MTA3: variants seen among roughly 807,000 people sequenced by gnomAD.
The protein encoded by MTA3 is metastasis associated 1 family member 3, also known as metastasis-associated protein MTA3.
MTA3 carries 34 observed loss-of-function variants against 83.5 expected under a neutral mutation model. The observed-to-expected ratio is 0.41, with a 90% CI of 0.31 to 0.54. The LOEUF (loss-of-function observed/expected upper bound fraction) is 0.54. Among genes scored for constraint, MTA3 ranks in the 20% least tolerant of loss-of-function variants. The pLI, the probability that MTA3 is intolerant of heterozygous loss-of-function variation, is 0.33. For synonymous variants in MTA3, 303 were observed against 252.7 expected (o/e 1.20, Z -1.89); for missense variants, 761 against 726.4 (o/e 1.05, Z -0.55).
chr2:42,663,588 CTG>C (rs1689938654), intron 8 of MTA3, among the ~76,000 whole-genome samples: 1 of 152,124 alleles, frequency 6.6e-6, no homozygotes. Context: ...TAACAAGACT[CTG>C]TCTCTACAAA....
intron 15 of MTA3, among the ~76,000 whole-genome samples, chr2:42,721,986 A>G (rs996606929): frequency 7.9e-5 from 12 of 152,204 alleles, no homozygotes; most frequent in Admixed American, 5.9e-4. Flanking sequence ...AGTAATTCTA[A>G]CAATTCCAAT....
intron 4 of MTA3, among the ~76,000 whole-genome samples, chr2:42,625,002 A>G (rs1486063513): frequency 1.3e-5 from 2 of 152,156 alleles, no homozygotes; most frequent in African/African-American, 2.4e-5. Flanking sequence ...TTGATACACC[A>G]TTGTAATTTG....
intron 6 of MTA3, among the ~76,000 whole-genome samples, chr2:42,650,950 A>G (rs924980419): frequency 6.6e-6 from 1 of 152,166 alleles, no homozygotes; most frequent in African/African-American, 2.4e-5. Context: ...AGGTGATTTC[A>G]TTGCTGTGCC....
intron 16 of MTA3, among the ~76,000 whole-genome samples, chr2:42,727,110 A>G (rs886842687): frequency 4.6e-5 from 7 of 152,180 alleles, no homozygotes; most frequent in African/African-American, 1.7e-4. Flanking sequence ...AGGCAGAAGC[A>G]TTGCTTGAGC....
At chr2:42,549,038 G>A (rs1225037146) in intron 2 of MTA3, among the ~76,000 whole-genome samples, 1 of 136,986 alleles carries the variant, frequency 7.3e-6, no homozygotes, top group African/African-American at 2.7e-5. Context: ...GCTGGGCGTG[G>A]TCGTGCATGC....
At chr2:42,548,442 G>A (rs994763217) in intron 2 of MTA3, among the ~76,000 whole-genome samples, 3 of 151,960 alleles carry the variant, frequency 2.0e-5, no homozygotes, top group South Asian at 2.1e-4. Flanking sequence ...CCCCAGCCTG[G>A]GCAGCAAAGC....
intron 16 of MTA3, among the ~76,000 whole-genome samples, chr2:42,726,537 G>A (rs1347918393): frequency 6.6e-6 from 1 of 151,964 alleles, no homozygotes; most frequent in Non-Finnish European, 1.5e-5. Context: ...CCCAGAGTGT[G>A]ATGTTCCCCT....
chr2:42,505,034 C>T (rs1030787273), intron 2 of MTA3, among the ~76,000 whole-genome samples: 23 of 152,082 alleles, frequency 1.5e-4, no homozygotes, highest in Admixed American at 1.3e-3. Flanking sequence ...GCACCATGCA[C>T]TCTGCTGCCC....
chr2:42,584,309 A>G (rs1680014007), intron 3 of MTA3, among the ~76,000 whole-genome samples: 1 of 152,138 alleles, frequency 6.6e-6, no homozygotes, highest in South Asian at 2.1e-4. Context: ...ATTATTTTGA[A>G]GCACGTCAAA....
intron 2 of MTA3, among the ~76,000 whole-genome samples, chr2:42,515,109 A>T (rs1675080271): frequency 6.6e-6 from 1 of 152,090 alleles, no homozygotes. Context: ...CCCAGGCTGG[A>T]GTGCAGTGGT....
intron 6 of MTA3, among the ~76,000 whole-genome samples, chr2:42,650,729 T>C (rs1688643809): frequency 6.6e-6 from 1 of 152,182 alleles, no homozygotes; most frequent in African/African-American, 2.4e-5. Flanking sequence ...GCACCCTTGA[T>C]TGTGTTTGTT....
chr2:42,599,978 C>CTT, intron 3 of MTA3, among the ~76,000 whole-genome samples: 1 of 151,584 alleles, frequency 6.6e-6, no homozygotes, highest in East Asian at 1.9e-4. Context: ...GGGCGGATCA[C>CTT]GAGGTCAGGA....
At chr2:42,667,493 C>T (rs1398927149) in intron 8 of MTA3, among the ~76,000 whole-genome samples, 2 of 151,578 alleles carry the variant, frequency 1.3e-5, no homozygotes, top group East Asian at 3.9e-4. Flanking sequence ...TTTTTCGTTA[C>T]TGGCTTATTT....
chr2:42,567,829 G>A (rs1267179170), upstream of MTA3, among the ~76,000 whole-genome samples: 1 of 152,032 alleles, frequency 6.6e-6, no homozygotes, highest in African/African-American at 2.4e-5. Context: ...TGAACTGTAG[G>A]GCCCTGTTCC....
intron 2 of MTA3, among the ~76,000 whole-genome samples, chr2:42,496,608 GAAAAAAA>G (rs35316146): frequency 1.1e-3 from 138 of 122,026 alleles, no homozygotes; most frequent in East Asian, 6.5e-3. Context: ...CAGAACCTAG[GAAAAAAA>G]AAAAAAAAAA....
intron 3 of MTA3, among the ~76,000 whole-genome samples, chr2:42,593,017 G>C (rs909333333): frequency 1.3e-5 from 2 of 151,846 alleles, no homozygotes; most frequent in African/African-American, 4.8e-5. Context: ...GCTGGGTGTG[G>C]TGGCATGGGC....
At chr2:42,580,353 T>C (rs1679479098) in intron 3 of MTA3, among the ~76,000 whole-genome samples, 1 of 151,724 alleles carries the variant, frequency 6.6e-6, no homozygotes, top group Non-Finnish European at 1.5e-5. Flanking sequence ...TTTTATTTAA[T>C]TAATTTTATT....
intron 2 of MTA3, among the ~76,000 whole-genome samples, chr2:42,505,705 A>G (rs773219151): frequency 6.6e-6 from 1 of 152,188 alleles, no homozygotes; most frequent in African/African-American, 2.4e-5. Flanking sequence ...TGTACTTCAG[A>G]ACAACCAAGA....
intron 16 of MTA3, among the ~76,000 whole-genome samples, chr2:42,750,198 C>G (rs1027047936): frequency 3.3e-5 from 5 of 152,010 alleles, no homozygotes; most frequent in Non-Finnish European, 5.9e-5. Context: ...ACTCTGTTGG[C>G]CAGGCTGGTC....
Sources: allele counts gnomAD v4.1 joint callset (sites outside exome capture counted in the v4.1 genomes callset), GRCh38; gene constraint gnomAD v4.1.1; transcripts MANE v1.5; gene names NCBI Gene and HGNC (gene_info 2026-07-23, HGNC 2026-07-21).